The following AIG1 variants were observed in gnomAD, a reference collection of about 807,000 sequenced individuals.
The protein encoded by AIG1 is androgen-induced gene 1 protein.
Under a neutral mutation model 31.4 loss-of-function variants are expected in AIG1, and 23 were observed. The ratio of observed to expected loss-of-function variants is 0.73; its 90% CI spans 0.53 to 1.04. AIG1 has a LOEUF of 1.04. Ranked by LOEUF, AIG1 falls within the 50% of genes least tolerant of loss-of-function variation. The probability of loss-of-function intolerance (pLI) is 0.00; values close to 1 mark genes in which losing one functional copy is unlikely to be tolerated. For missense variants in AIG1, 274 were observed against 295.0 expected, an observed-to-expected ratio of 0.93 and a Z score of 0.52; for synonymous variants, 100 against 110.5, an observed-to-expected ratio of 0.90 and a Z score of 0.60.
intron 3 of AIG1, among the ~76,000 whole-genome samples, chr6:143,169,980 T>C (rs944115473): frequency 3.3e-5 from 5 of 152,078 alleles, no homozygotes; most frequent in African/African-American, 1.2e-4. Context: ...CTGTTGGATT[T>C]GGTTTGGTAG....
intron 1 of AIG1, chr6:143,099,398 G>A (rs900585834): frequency 8.5e-5 from 13 of 152,184 alleles, no homozygotes; most frequent in African/African-American, 3.1e-4. Context: ...TTATTAAAAA[G>A]TTAACCGTGG....
intron 4 of AIG1, among the ~76,000 whole-genome samples, chr6:143,323,516 T>C (rs1479103331): frequency 1.3e-5 from 2 of 152,216 alleles, no homozygotes; most frequent in African/African-American, 2.4e-5. Flanking sequence ...ACAATGATAT[T>C]TGTACCTGAG....
At chr6:143,243,364 G>A (rs1361454992) in intron 3 of AIG1, among the ~76,000 whole-genome samples, 1 of 152,180 alleles carries the variant, frequency 6.6e-6, no homozygotes, top group Non-Finnish European at 1.5e-5. Context: ...TATGCCAAAT[G>A]AGATTATGAA....
intron 1 of AIG1, among the ~76,000 whole-genome samples, chr6:143,099,246 A>C (rs1196542209): frequency 6.6e-6 from 1 of 152,208 alleles, no homozygotes; most frequent in South Asian, 2.1e-4. Context: ...AAAGCTTCAT[A>C]AACTTTTCAG....
At chr6:143,144,150 TA>T (rs1562422941) in intron 2 of AIG1, among the ~76,000 whole-genome samples, 1 of 152,224 alleles carries the variant, frequency 6.6e-6, no homozygotes, top group African/African-American at 2.4e-5. Context: ...ACAAATTTCT[TA>T]AACACAATAG....
intron 3 of AIG1, 139 bp from the exon 4 acceptor site, chr6:143,283,971 C>T: frequency 1.9e-6 from 1 of 523,176 alleles, no homozygotes; most frequent in South Asian, 3.5e-5. Flanking sequence ...GTCCATTCTA[C>T]TTCTTTGGCG....
intron 4 of AIG1, among the ~76,000 whole-genome samples, chr6:143,310,382 C>T (rs1197208704): frequency 1.3e-5 from 2 of 151,760 alleles, no homozygotes; most frequent in African/African-American, 4.8e-5. Flanking sequence ...AAATAGCACA[C>T]TAATAAATAA....
intron 3 of AIG1, among the ~76,000 whole-genome samples, chr6:143,215,466 A>G (rs1419766826): frequency 6.6e-6 from 1 of 152,212 alleles, no homozygotes; most frequent in Non-Finnish European, 1.5e-5. Flanking sequence ...CACCTTGCAG[A>G]TAGATATTGC....
At chr6:143,272,538 C>T (rs1038489955) in intron 3 of AIG1, among the ~76,000 whole-genome samples, 4 of 152,136 alleles carry the variant, frequency 2.6e-5, no homozygotes, top group African/African-American at 9.7e-5. Flanking sequence ...GCCCATTGGC[C>T]AGGACTAGAG....
intron 1 of AIG1, among the ~76,000 whole-genome samples, chr6:143,100,983 C>T (rs1192050973): frequency 6.6e-6 from 1 of 152,064 alleles, no homozygotes; most frequent in Non-Finnish European, 1.5e-5. Flanking sequence ...CCGTGCCCAG[C>T]CTATTCTCTT....
intron 3 of AIG1, among the ~76,000 whole-genome samples, chr6:143,266,346 C>CA (rs398002969): frequency 0.18 from 16,898 of 92,996 alleles, 2,121 homozygotes; most frequent in African/African-American, 0.33. Context: ...GAGTCCGTCT[C>CA]AAAAAAAAAA....
intron 3 of AIG1, among the ~76,000 whole-genome samples, chr6:143,273,827 A>G: frequency 6.6e-6 from 1 of 152,206 alleles, no homozygotes; most frequent in East Asian, 1.9e-4. Context: ...ACCCTCCCAA[A>G]CACATGGGAA....
intron 1 of AIG1, among the ~76,000 whole-genome samples, chr6:143,075,730 A>G (rs1312526458): frequency 1.3e-5 from 2 of 152,126 alleles, no homozygotes; most frequent in Non-Finnish European, 2.9e-5. Flanking sequence ...ATTCTTTCCT[A>G]TATAAGCATT....
intron 1 of AIG1, among the ~76,000 whole-genome samples, chr6:143,077,849 C>A (rs992785086): frequency 3.3e-5 from 5 of 152,196 alleles, no homozygotes; most frequent in Non-Finnish European, 7.3e-5. Context: ...ATCACTTTGG[C>A]TTTGAAGCCG....
At chr6:143,342,762 A>C (rs1777882304), downstream of AIG1, 20 of 820,050 alleles carry the variant, frequency 2.4e-5, no homozygotes, top group Non-Finnish European at 4.0e-5. Context: ...CAGGTATCAT[A>C]GCTGCAAACG....
At chr6:143,067,221 G>T (rs1301828721) in intron 1 of AIG1, among the ~76,000 whole-genome samples, 1 of 151,998 alleles carries the variant, frequency 6.6e-6, no homozygotes, top group Non-Finnish European at 1.5e-5. Flanking sequence ...TCTTTGATTG[G>T]TTTTTAGTGT....
chr6:143,068,115 G>A (rs1406702587), intron 1 of AIG1, among the ~76,000 whole-genome samples: 1 of 152,162 alleles, frequency 6.6e-6, no homozygotes, highest in East Asian at 1.9e-4. Context: ...ATTACAGAAA[G>A]TCATCTGACC....
At chr6:143,171,404 G>T (rs1205236128) in intron 3 of AIG1, among the ~76,000 whole-genome samples, 1 of 127,568 alleles carries the variant, frequency 7.8e-6, no homozygotes, top group South Asian at 2.5e-4. Context: ...GTATTCAATA[G>T]TGTGTGTATA....
intron 1 of AIG1, among the ~76,000 whole-genome samples, chr6:143,110,956 A>G (rs1220673022): frequency 6.6e-6 from 1 of 152,214 alleles, no homozygotes; most frequent in East Asian, 1.9e-4. Flanking sequence ...TAAATCTTTG[A>G]TTTACCATCC....
Sources: gnomAD v4.1 joint callset for allele counts (sites outside exome capture counted in the v4.1 genomes callset) on GRCh38, gnomAD v4.1.1 for gene constraint, MANE v1.5 for transcripts, NCBI Gene and HGNC (gene_info 2026-07-23, HGNC 2026-07-21) for gene names.